The following AHNAK variants were observed in gnomAD, a reference collection of about 807,000 sequenced individuals.
The protein encoded by AHNAK is AHNAK nucleoprotein.
Under a neutral mutation model 37.8 loss-of-function variants are expected in AHNAK, and 23 were observed. The ratio of observed to expected loss-of-function variants is 0.61; its 90% confidence interval spans 0.44 to 0.86. The LOEUF (loss-of-function observed/expected upper bound fraction) is 0.86, where lower values mean the gene tolerates loss of function less well. AHNAK is among the 40% of genes least tolerant of loss of function. The pLI, the probability that AHNAK is intolerant of heterozygous loss-of-function variation, is 0.00. For missense variants in AHNAK, 7,411 were observed against 7,319.4 expected (o/e 1.01, Z -0.46); for synonymous variants, 2,481 against 2,636.3 (o/e 0.94, Z 1.80).
chr11:62,457,308 C>T (rs1938677365), intron 5 of AHNAK, among the ~76,000 whole-genome samples: 1 of 151,976 alleles, frequency 6.6e-6, no homozygotes, highest in Admixed American at 6.6e-5. Flanking sequence ...ATTAGCCAGG[C>T]GTGGTGGCAC....
At position 62,517,839 on chromosome 11, in the gene AHNAK, A is replaced by G; in HGVS notation, c.16578T>C (p.Gly5526=). 6.2e-7 allele frequency: 1 copy of G among 1,614,066 alleles called. No homozygotes were observed. The highest frequency in any genetic ancestry group is 8.5e-7 in the Non-Finnish European group (1 of 1,180,012). ...GQISGPEIKG[G]LKGSEVGFHG... is the part of the protein sequence containing the mutation. Reference sequence around the variant, plus strand: ...GGAAACCTACTTCTGAACCTTTCAGACCACCTTTGATTTCAGGCCCAGAAA... The same window carrying G: ...GGAAACCTACTTCTGAACCTTTCAGGCCACCTTTGATTTCAGGCCCAGAAA... Residue 5526 remains glycine (G), a synonymous_variant, in exon 5 of 5, where the codon GGT becomes GGC. Transcript: ENST00000378024.
At chr11:62,436,315 G>A (rs1938170988) in intron 5 of AHNAK, among the ~76,000 whole-genome samples, 2 of 152,194 alleles carry the variant, frequency 1.3e-5, no homozygotes, top group African/African-American at 4.8e-5. Flanking sequence ...GATGCTCCGG[G>A]GGAGTAGCAG....
chr11:62,437,304 G>A (rs892430938), intron 5 of AHNAK, among the ~76,000 whole-genome samples: 13 of 152,110 alleles, frequency 8.5e-5, no homozygotes, highest in African/African-American at 3.1e-4. Context: ...AAACTTCTTT[G>A]AACATTTTTG....
Position 62,517,885 on chromosome 11 carries a change from A to T in AHNAK, c.16532T>A (p.Val5511Glu), listed in dbSNP as rs371235166. The T allele has an allele frequency of 2.8e-5, 46 of 1,614,054 alleles. No individual in the cohort carries two copies. Among genetic ancestry groups the T allele is most frequent in the Non-Finnish European group, 3.7e-5 (44 of 1,180,016 alleles). ...AGAAATCTGCCCAGTTGGGAGTTTC[A>T]CATTCACGCCTGGCAGGTTCACATC... ...GCDVNLPGVN[V>E]KLPTGQISGP... The change falls in exon 5 of 5, where the codon GTG becomes GAG. Residue 5511 changes from valine (V) to glutamate (E), a missense_variant. Val to Glu is a moderately radical substitution (Grantham distance 121, BLOSUM62 -2). Transcript: ENST00000378024.
In AHNAK at chr11:62,518,131, A is replaced by G. The variant is rs1219795885; in HGVS notation, c.16286T>C (p.Val5429Ala). 1 of 1,614,112 alleles carries G rather than the reference A, an allele frequency of 6.2e-7. No homozygotes were observed. Among genetic ancestry groups the G allele is most frequent in the Admixed American group, 1.7e-5 (1 of 60,010 alleles). The stretch of plus-strand genomic sequence containing the variant: ...ACCTGGCCCCTTCAGTTCGCCAGAA[A>G]CCTGTGGCCCCTTGGCATTGACGTG... ...DLHVNAKGPQ[V>A]SGELKGPGVD... is the part of the protein sequence containing the mutation. Residue 5429 changes from valine to alanine, a missense_variant, in exon 5 of 5, where the codon GTT (valine) becomes GCT (alanine). Val to Ala is a moderately conservative substitution (Grantham distance 64). Coordinates refer to ENST00000378024, the MANE Select transcript of AHNAK (RefSeq NM_001620.3).
At position 62,521,653 on chromosome 11, in the gene AHNAK, G is replaced by C. The variant is rs558840213; in HGVS notation, c.12764C>G (p.Pro4255Arg). ...ATCAAAGTCAGGCATGGAGATCTTG[G>C]GGGCTTTGATGTTCATCTCAGGCAT... is the stretch of plus-strand genomic sequence containing the variant. ...FKMPEMNIKA[P>R]KISMPDFDLH... Residue 4255 changes from proline to arginine, a missense_variant, in exon 5 of 5, where the codon CCC becomes CGC. Transcript: ENST00000378024. The C allele has an allele frequency of 2.5e-6, 4 of 1,613,804 alleles. No individual in the cohort carries two copies. The highest frequency in any genetic ancestry group is 2.7e-5 in the African/African-American group (2 of 74,864).
chr11:62,539,611 G>A (rs1353981087), intron 1 of AHNAK, among the ~76,000 whole-genome samples: 4 of 152,242 alleles, frequency 2.6e-5, no homozygotes, highest in Non-Finnish European at 4.4e-5. Context: ...AGGGCCTCAG[G>A]CAGAGTCCCA....
rs758743701 is a variant in AHNAK, at chr11:62,524,680, CCTT to C, written c.9734_9736del (p.Glu3245del). ...GTCAAGAGCAGGTCCTTTCAAATCA[CCTT>C]CTACATTTGCAAGTGAAACATCCAC... On this transcript the variant is annotated inframe_deletion, in exon 5 of 5. Transcript: ENST00000378024. 2 of 1,614,106 alleles carry C rather than the reference CCTT, an allele frequency of 1.2e-6. No homozygotes were observed. The highest frequency in any genetic ancestry group is 1.7e-6 in the Non-Finnish European group (2 of 1,180,054).
Position 62,530,654 on chromosome 11 carries a change from G to C in AHNAK, c.3763C>G (p.Pro1255Ala). Residue 1255 changes from proline (P) to alanine (A), a missense_variant, in exon 5 of 5, where the codon CCC (proline) becomes GCC (alanine). Physicochemically the swap from Pro to Ala is conservative, Grantham distance 27. Transcript: ENST00000378024. ...CTAAACTTGGGCATTTTCATCTTGGGCATCTTCAGGTGCCAGTCTGGGCCT... is the reference window on the plus strand; with the variant it reads ...CTAAACTTGGGCATTTTCATCTTGGCCATCTTCAGGTGCCAGTCTGGGCCT... ...VQGPDWHLKM[P>A]KMKMPKFSMP... is the part of the protein sequence containing the mutation. 2 of 1,613,474 alleles carry C rather than the reference G, an allele frequency of 1.2e-6. No homozygotes were observed. Among genetic ancestry groups the C allele is most frequent in the Non-Finnish European group, 1.7e-6 (2 of 1,179,952 alleles).
chr11:62,499,225 C>T (rs1042751841), intron 4 of AHNAK, among the ~76,000 whole-genome samples: 3 of 152,158 alleles, frequency 2.0e-5, no homozygotes, highest in Non-Finnish European at 4.4e-5. Flanking sequence ...CCATAGCATC[C>T]GACTGGCCTC....
intron 5 of AHNAK, among the ~76,000 whole-genome samples, chr11:62,444,459 C>G (rs1013924017): frequency 6.6e-6 from 1 of 152,244 alleles, no homozygotes; most frequent in Non-Finnish European, 1.5e-5. Context: ...ACAATGAATA[C>G]CAGATTCTGC....
rs1940209007 is a variant in AHNAK, at chr11:62,520,758, C to A, written c.13659G>T (p.Val4553=). 1 of 1,613,878 alleles carries A rather than the reference C, an allele frequency of 6.2e-7. No homozygotes were observed. The change falls in exon 5 of 5, where the codon GTG becomes GTT. Residue 4553 remains valine, a synonymous_variant. Coordinates refer to ENST00000378024, the MANE Select transcript of AHNAK (RefSeq NM_001620.3). ...KLEGDLKGPK[V]DVKGPKVGID... is the part of the protein sequence containing the mutation. ...TGCCCACTTTAGGGCCTTTGACATC[C>A]ACTTTGGGACCTTTCAGATCTCCCT...
At chr11:62,499,119 C>A (rs976551436) in intron 4 of AHNAK, among the ~76,000 whole-genome samples, 1 of 152,112 alleles carries the variant, frequency 6.6e-6, no homozygotes, top group Non-Finnish European at 1.5e-5. Flanking sequence ...TAAAATATGC[C>A]CGGAGGCAGG....
Position 62,518,195 on chromosome 11 carries a change from G to A in AHNAK, c.16222C>T (p.Leu5408=). ...EGSIKLPKMK[L]PQFGISTPGS... ...GGAGTAGAGATGCCAAATTGGGGCA[G>A]CTTCATTTTGGGAAGTTTAATGCTG... The change falls in exon 5 of 5, where the codon CTG becomes TTG. Residue 5408 remains leucine (L), a synonymous_variant. Transcript: ENST00000378024. 6.2e-7 allele frequency: 1 copy of A among 1,614,186 alleles called. No homozygotes were observed. Among genetic ancestry groups the A allele is most frequent in the African/African-American group, 1.3e-5 (1 of 75,038 alleles).
In AHNAK at chr11:62,524,081, C is replaced by A; in HGVS notation, c.10336G>T (p.Gly3446Cys). 6.2e-7 allele frequency: 1 copy of A among 1,614,082 alleles called. No homozygotes were observed. The highest frequency in any genetic ancestry group is 8.5e-7 in the Non-Finnish European group (1 of 1,180,014). The change falls in exon 5 of 5, where the codon GGC becomes TGC. Residue 3446 changes from glycine (G) to cysteine (C), a missense_variant. Coordinates refer to ENST00000378024, the MANE Select transcript of AHNAK (RefSeq NM_001620.3). ...GGTGCCTTAATATCCACTTTGGGGC[C>A]TTTAAAGTCACCTTCTAAATTGGGA... ...AGPNLEGDFK[G>C]PKVDIKAPEV...
chr11:62,473,143 T>A (rs1235542745), intron 5 of AHNAK, among the ~76,000 whole-genome samples: 2 of 114,386 alleles, frequency 1.7e-5, no homozygotes, highest in African/African-American at 3.4e-5. Context: ...ATGTCTGTAA[T>A]CCCAACAGTT....
rs376949581 is a variant in AHNAK at position 62,492,754 on chromosome 11, C to G, written c.343-923G>C. Among the ~76,000 whole-genome samples the G allele has an allele frequency of 1.5e-4, 22 of 151,490 alleles. No individual in the cohort carries two copies. In the East Asian group the frequency reaches 4.1e-3, roughly 28 times the overall value. ...TTAGCCAGGTGTGGTGGCACACAAC[C>G]GTAGTCCCAGCTACTCAGGAGGCTG... On this transcript the variant is annotated intron_variant, in intron 4 of 5. Transcript: ENST00000257247.
chr11:62,506,895 A>G (rs565530080), intron 4 of AHNAK, among the ~76,000 whole-genome samples: 43 of 152,204 alleles, frequency 2.8e-4, no homozygotes, highest in African/African-American at 1.0e-3. Flanking sequence ...AAAATGGGCA[A>G]ATGGGTGTAT....
At position 62,533,345 on chromosome 11, in the gene AHNAK, C is replaced by T. The variant is rs1490649568; in HGVS notation, c.1072G>A (p.Val358Met). ...TIQAPQLEVSVPSANIEGLEG... is the reference protein window; with the variant it reads ...TIQAPQLEVSMPSANIEGLEG... Reference sequence around the variant, plus strand: ...AGGCCCTCAATATTGGCAGAGGGCACACTGACTTCCAGCTGAGGGGCTTGG... The same window carrying T: ...AGGCCCTCAATATTGGCAGAGGGCATACTGACTTCCAGCTGAGGGGCTTGG... The change falls in exon 5 of 5, where the codon GTG becomes ATG. Residue 358 changes from valine to methionine, a missense_variant. Val to Met is a conservative substitution (Grantham distance 21). Coordinates refer to ENST00000378024, the MANE Select transcript of AHNAK (RefSeq NM_001620.3). 5 of 1,558,498 alleles carry T rather than the reference C, an allele frequency of 3.2e-6. No individual in the cohort carries two copies. Among genetic ancestry groups the T allele is most frequent in the African/African-American group, 1.4e-5 (1 of 73,198 alleles).
Sources: allele counts gnomAD v4.1 joint callset (sites outside exome capture counted in the v4.1 genomes callset), GRCh38; gene constraint gnomAD v4.1.1; transcripts MANE v1.5; gene names NCBI Gene and HGNC (gene_info 2026-07-23, HGNC 2026-07-21).